Variants in VWF observed in about 807,000 individuals in gnomAD.
The protein encoded by VWF is Factor VIII related antigen.
VWF carries 176 observed loss-of-function variants against 308.6 expected under a neutral mutation model. The ratio of observed to expected loss-of-function variants is 0.57; its 90% CI spans 0.50 to 0.65. The LOEUF is 0.65. Ranked by LOEUF, VWF falls within the 30% of genes least tolerant of loss-of-function variation. VWF has a pLI of 0.00. For synonymous variants in VWF, 1,385 were observed against 1,443.4 expected, an observed-to-expected ratio of 0.96 and a Z score of 0.92; for missense variants, 3,146 against 3,648.2, an observed-to-expected ratio of 0.86 and a Z score of 3.55.
intron 5 of VWF, among the ~76,000 whole-genome samples, chr12:6,106,945 C>T (rs960675027): frequency 1.1e-4 from 17 of 149,716 alleles, no homozygotes; most frequent in Non-Finnish European, 1.9e-4. Flanking sequence ...ATAAAAAATG[C>T]GGCGGGGTGT....
chr12:6,035,055 G>T (rs1036225548), intron 19 of VWF, among the ~76,000 whole-genome samples: 6 of 152,202 alleles, frequency 3.9e-5, no homozygotes, highest in African/African-American at 1.4e-4. Flanking sequence ...GGGGGAAACT[G>T]AGGCAAAGAA....
chr12:5,968,062 C>G, intron 46 of VWF, 65 bp downstream of exon 46: 7 of 1,605,314 alleles, frequency 4.4e-6, no homozygotes, highest in South Asian at 1.1e-5. Flanking sequence ...TTGCCTGCTC[C>G]CCTTCCCACA....
Position 5,985,112 on chromosome 12 carries a change from C to A in VWF, c.6909G>T (p.Thr2303=). The change falls in exon 40 of 52, where the codon ACG becomes ACT. Residue 2303 remains threonine, a synonymous_variant. Transcript: ENST00000261405. ...TQPCPTAKAP[T]CGLCEVARLR... is the part of the protein sequence containing the mutation. Reference sequence around the variant, plus strand: ...GGCGGGCTACTTCACACAGGCCACACGTGGGAGCTAGAGGAGAGGAACGGC... The same window carrying A: ...GGCGGGCTACTTCACACAGGCCACAAGTGGGAGCTAGAGGAGAGGAACGGC... 1.2e-6 allele frequency: 2 copies of A among 1,614,138 alleles called. No homozygotes were observed. The highest frequency in any genetic ancestry group is 1.7e-6 in the Non-Finnish European group (2 of 1,180,008).
intron 6 of VWF, among the ~76,000 whole-genome samples, chr12:6,079,439 T>C (rs1692875030): frequency 6.8e-6 from 1 of 147,952 alleles, no homozygotes; most frequent in Admixed American, 6.7e-5. Flanking sequence ...ACCCCATCTC[T>C]ACTAAAAATA....
intron 31 of VWF, among the ~76,000 whole-genome samples, chr12:6,014,675 T>G (rs1944037741): frequency 6.6e-6 from 1 of 152,172 alleles, no homozygotes; most frequent in African/African-American, 2.4e-5. Context: ...GTTTTGCCTA[T>G]TAGAGCATGC....
In VWF at chr12:6,012,068, T is replaced by C. The variant is rs1196445078; in HGVS notation, c.5664+19A>G. 6.2e-7 allele frequency: 1 copy of C among 1,613,818 alleles called. No individual in the cohort carries two copies. The highest frequency in any genetic ancestry group is 8.5e-7 in the Non-Finnish European group (1 of 1,179,812). On this transcript the variant is annotated intron_variant, in intron 33 of 51. Coordinates refer to ENST00000261405, the MANE Select transcript of VWF (RefSeq NM_000552.5). ...CACATCTCTAACCTTTCTTTCAAAG[T>C]CAACAGAAAGGAACTTACCCTCTTC...
rs1004979910 is a variant in VWF at position 6,065,380 on chromosome 12, A to G, written c.1157-107T>C. The G allele has an allele frequency of 2.8e-6, 4 of 1,434,592 alleles. No homozygotes were observed. The African/African-American group carries it at 5.7e-5, about 20-fold the overall frequency. 88.9% of individuals were successfully genotyped at this position (1,434,592 alleles called of 1,614,324 possible). A position where few individuals can be genotyped will look rare whatever the true frequency, so the allele number is the denominator to read the frequency against. Reference sequence around the variant, plus strand: ...GCAGGGTGCCCTTCCCCAAAACTGCATGGACGTCCTTTGCCCAAACCAGTC... The same window carrying G: ...GCAGGGTGCCCTTCCCCAAAACTGCGTGGACGTCCTTTGCCCAAACCAGTC... On this transcript the variant is annotated intron_variant, in intron 10 of 51. Coordinates refer to ENST00000261405, the MANE Select transcript of VWF (RefSeq NM_000552.5).
chr12:5,971,116 C>T (rs1387878106), intron 44 of VWF, among the ~76,000 whole-genome samples: 1 of 152,126 alleles, frequency 6.6e-6, no homozygotes, highest in East Asian at 1.9e-4. Flanking sequence ...GCCAGACCTG[C>T]AGAAATAGCA....
intron 6 of VWF, among the ~76,000 whole-genome samples, chr12:6,078,811 G>T (rs1282244336): frequency 6.6e-6 from 1 of 152,078 alleles, no homozygotes; most frequent in Non-Finnish European, 1.5e-5. Context: ...GCCCAGCATG[G>T]CCCATCTCCA....
At position 5,949,032 on chromosome 12, in the gene VWF, T is replaced by G; in HGVS notation, c.8425A>C (p.Arg2809=). Residue 2809 remains arginine (R), a synonymous_variant, in exon 52 of 52, where the codon AGG becomes CGG. Transcript: ENST00000261405. ...LNAMECKCSP[R]KCSK ...CAGCAGCCTCACTTGCTGCACTTCC[T>G]GGGGGAGCATTTGCACTCCATGGCA... The G allele has an allele frequency of 5.6e-6, 9 of 1,613,556 alleles. No homozygotes were observed. Among genetic ancestry groups the G allele is most frequent in the Non-Finnish European group, 7.6e-6 (9 of 1,179,808 alleles).
At chr12:6,072,254 A>G in intron 9 of VWF, 77 bp downstream of exon 9, 1 of 1,378,272 alleles carries the variant, frequency 7.3e-7, no homozygotes, top group Admixed American at 1.7e-5. Flanking sequence ...TCCACCTGCC[A>G]CCACCCCTGC....
At chr12:6,113,360 C>T (rs964324845) in intron 3 of VWF, among the ~76,000 whole-genome samples, 4 of 150,138 alleles carry the variant, frequency 2.7e-5, no homozygotes, top group East Asian at 3.9e-4. Context: ...TGCAGTGGCG[C>T]GATCTCGGCT....
intron 18 of VWF, among the ~76,000 whole-genome samples, chr12:6,044,049 T>G (rs941906262): frequency 2.0e-5 from 3 of 152,176 alleles, no homozygotes; most frequent in African/African-American, 4.8e-5. Flanking sequence ...TAAGTTCTTA[T>G]ATTTTTGTCA....
chr12:6,054,147 C>G (rs924976807), intron 15 of VWF, among the ~76,000 whole-genome samples: 20 of 152,188 alleles, frequency 1.3e-4, no homozygotes, highest in Admixed American at 3.9e-4. Context: ...TAAAAGTAAG[C>G]CTTGGCCGTG....
chr12:6,071,294 T>C lies in VWF; in HGVS notation c.1156+3A>G, dbSNP rs771753535. Reference sequence around the variant, plus strand: ...GGAAGAGAATGAGCGGCAGGTCGCCTACCTGGACATTCTTCATTGCTGCAG... The same window carrying C: ...GGAAGAGAATGAGCGGCAGGTCGCCCACCTGGACATTCTTCATTGCTGCAG... On this transcript the variant is annotated splice_donor_region_variant and intron_variant, in intron 10 of 51. Transcript: ENST00000261405. 6.2e-7 allele frequency: 1 copy of C among 1,614,112 alleles called. No homozygotes were observed. Among genetic ancestry groups the C allele is most frequent in the Non-Finnish European group, 8.5e-7 (1 of 1,180,012 alleles).
chr12:6,056,931 C>T lies in VWF; in HGVS notation c.1871G>A (p.Gly624Asp), dbSNP rs756800153. Residue 624 changes from glycine (G) to aspartate (D), a missense_variant, in exon 15 of 52, where the codon GGC becomes GAC. Transcript: ENST00000261405. Reference protein sequence around the residue: ...SCSDGRECLCGALASYAAACA... With the variant: ...SCSDGRECLCDALASYAAACA... ...GGCCGCGGCATAGCTGGCCAGGGCG[C>T]CGCACAGGCACTCGCGGCCGTCCGA... 9 of 1,535,080 alleles carry T rather than the reference C, an allele frequency of 5.9e-6. No homozygotes were observed. The South Asian group carries it at 1.1e-4, about 18-fold the overall frequency.
intron 22 of VWF, among the ~76,000 whole-genome samples, chr12:6,027,636 G>A (rs114537734): frequency 0.033 from 4,962 of 152,102 alleles, 246 homozygotes; most frequent in African/African-American, 0.11. Flanking sequence ...TGGAGGATGG[G>A]GCCACAAGCC....
chr12:5,998,962 C>T (rs1423549440), intron 34 of VWF, among the ~76,000 whole-genome samples: 3 of 152,146 alleles, frequency 2.0e-5, no homozygotes, highest in East Asian at 3.9e-4. Flanking sequence ...CTCCTGACCT[C>T]GTGATCTGCC....
At chr12:6,104,065 TCAA>T (rs966248668) in intron 5 of VWF, among the ~76,000 whole-genome samples, 7 of 151,500 alleles carry the variant, frequency 4.6e-5, no homozygotes, top group African/African-American at 1.7e-4. Flanking sequence ...CTCAAACAAC[TCAA>T]CAACAATGAA....
Sources: allele counts gnomAD v4.1 joint callset (sites outside exome capture counted in the v4.1 genomes callset), GRCh38; gene constraint gnomAD v4.1.1; transcripts MANE v1.5; gene names NCBI Gene and HGNC (gene_info 2026-07-23, HGNC 2026-07-21).